SMIM35: variants seen among roughly 807,000 people sequenced by gnomAD.
SMIM35 encodes the protein small integral membrane protein 35, also known as TMPRSS4 antisense RNA 1 (non-protein coding).
At chr11:118,008,062 T>G (rs1318364807) in intron 4 of SMIM35, among the ~76,000 whole-genome samples, 2 of 151,464 alleles carry the variant, frequency 1.3e-5, no homozygotes, top group Admixed American at 1.3e-4. Context: ...CAGAGATGGG[T>G]TTTCACTATG....
At chr11:118,020,650 C>T (rs980897120) in intron 1 of SMIM35, among the ~76,000 whole-genome samples, 1 of 152,106 alleles carries the variant, frequency 6.6e-6, no homozygotes, top group Non-Finnish European at 1.5e-5. Flanking sequence ...TAAGTGTGAA[C>T]AGGAGCTTGT....
intron 1 of SMIM35, chr11:118,025,290 T>C (rs1565383229): frequency 9.0e-6 from 3 of 333,406 alleles, no homozygotes; most frequent in South Asian, 7.6e-5. Flanking sequence ...TACCCAGTAA[T>C]AAGATTGTGC....
chr11:118,031,698 G>A (rs181315074), intron 1 of SMIM35: 4 of 152,092 alleles, frequency 2.6e-5, no homozygotes, highest in Non-Finnish European at 4.4e-5. Context: ...TCTCCACAAA[G>A]TACTTATTAA....
intron 4 of SMIM35, among the ~76,000 whole-genome samples, chr11:118,009,899 A>G (rs2058141774): frequency 6.6e-6 from 1 of 152,094 alleles, no homozygotes; most frequent in African/African-American, 2.4e-5. Context: ...TCAGAACCAG[A>G]CCTTATACTA....
At chr11:118,083,661 C>T (rs1459874404) in intron 1 of SMIM35, among the ~76,000 whole-genome samples, 4 of 152,122 alleles carry the variant, frequency 2.6e-5, no homozygotes, top group Non-Finnish European at 4.4e-5. Flanking sequence ...GGCAAAAGAG[C>T]TTTACCTCTG....
intron 1 of SMIM35, among the ~76,000 whole-genome samples, chr11:118,053,167 C>T (rs897573110): frequency 1.3e-5 from 2 of 152,096 alleles, no homozygotes; most frequent in Admixed American, 6.5e-5. Context: ...TTTAGCCAGG[C>T]GTGTTGGCAG....
chr11:118,060,242 C>G (rs540028571), intron 1 of SMIM35, among the ~76,000 whole-genome samples: 9 of 152,360 alleles, frequency 5.9e-5, no homozygotes, highest in African/African-American at 2.2e-4. Flanking sequence ...CACTCCCCAT[C>G]CCACCACCTC....
intron 1 of SMIM35, among the ~76,000 whole-genome samples, chr11:118,054,194 T>G (rs1944273438): frequency 6.6e-6 from 1 of 151,280 alleles, no homozygotes; most frequent in African/African-American, 2.5e-5. Context: ...CTTGTTTTTT[T>G]GTTTGTTTGT....
intron 1 of SMIM35, among the ~76,000 whole-genome samples, chr11:118,028,215 C>T (rs1398761229): frequency 6.6e-6 from 1 of 152,142 alleles, no homozygotes; most frequent in Non-Finnish European, 1.5e-5. Flanking sequence ...ACATCGTCTC[C>T]CCGCATTTAC....
At chr11:118,053,048 G>T (rs541336068) in intron 1 of SMIM35, among the ~76,000 whole-genome samples, 4 of 152,252 alleles carry the variant, frequency 2.6e-5, no homozygotes, top group African/African-American at 7.2e-5. Context: ...GCTCACACCC[G>T]GAATCCCAGC....
chr11:118,072,716 G>C (rs1944591392), intron 1 of SMIM35, among the ~76,000 whole-genome samples: 1 of 152,188 alleles, frequency 6.6e-6, no homozygotes, highest in Admixed American at 6.5e-5. Flanking sequence ...GTGATGTGTG[G>C]ATGTCTCCTG....
intron 1 of SMIM35, among the ~76,000 whole-genome samples, chr11:118,074,291 G>A (rs1944617587): frequency 6.6e-6 from 1 of 151,946 alleles, no homozygotes; most frequent in Non-Finnish European, 1.5e-5. Context: ...AGGGAAGAAG[G>A]AAGAGAAAAA....
intron 1 of SMIM35, chr11:118,028,871 A>T (rs1382129481): frequency 4.5e-6 from 2 of 447,168 alleles, no homozygotes; most frequent in South Asian, 3.2e-5. Flanking sequence ...AGAAGAAAAA[A>T]GTTGGGGGAG....
At chr11:118,020,728 T>C (rs1368549069) in intron 1 of SMIM35, among the ~76,000 whole-genome samples, 1 of 152,188 alleles carries the variant, frequency 6.6e-6, no homozygotes, top group African/African-American at 2.4e-5. Flanking sequence ...TTTCTTCTGG[T>C]CTTCCTTGGA....
intron 1 of SMIM35, among the ~76,000 whole-genome samples, chr11:118,026,502 G>A (rs1039081072): frequency 6.6e-6 from 1 of 152,110 alleles, no homozygotes; most frequent in Non-Finnish European, 1.5e-5. Flanking sequence ...TAGAACATCT[G>A]GCTTTAGAAA....
chr11:118,007,670 AGGT>A lies in SMIM35; in HGVS notation c.*34-1297_*34-1295del, dbSNP rs201037026. Among the ~76,000 whole-genome samples the A allele has an allele frequency of 4.0e-3, 616 of 152,182 alleles. 2 individuals carry two copies. Among genetic ancestry groups the A allele is most frequent in the African/African-American group, 0.012 (517 of 41,518 alleles). On this transcript the variant is annotated intron_variant, in intron 4 of 4. Transcript: ENST00000689828. ...TGGCCTCCCAAAGTGCTGGGATTATAGGTGTGAGCCACTGTGCCCGGCCGAAGA... is the reference window on the plus strand; with the variant it reads ...TGGCCTCCCAAAGTGCTGGGATTATAGTGAGCCACTGTGCCCGGCCGAAGA...
At chr11:118,085,082 G>T (rs79388079) in intron 1 of SMIM35, among the ~76,000 whole-genome samples, 1 of 152,152 alleles carries the variant, frequency 6.6e-6, no homozygotes, top group Non-Finnish European at 1.5e-5. Flanking sequence ...AGCAGGTGGC[G>T]CACCTTACAG....
At chr11:118,077,649 C>A (rs1400066985) in intron 1 of SMIM35, among the ~76,000 whole-genome samples, 1 of 152,172 alleles carries the variant, frequency 6.6e-6, no homozygotes, top group Non-Finnish European at 1.5e-5. Context: ...TTTTCCAAGG[C>A]AGGGGGCTGT....
chr11:118,053,013 T>C (rs1944244019), intron 1 of SMIM35, among the ~76,000 whole-genome samples: 1 of 152,110 alleles, frequency 6.6e-6, no homozygotes, highest in Admixed American at 6.5e-5. Flanking sequence ...CTCCAAAGCC[T>C]ACTAGCTCAC....
Sources: gnomAD v4.1 joint callset for allele counts (sites outside exome capture counted in the v4.1 genomes callset) on GRCh38, gnomAD v4.1.1 for gene constraint, MANE v1.5 for transcripts, NCBI Gene and HGNC (gene_info 2026-07-23, HGNC 2026-07-21) for gene names.